The following CEP57L1 variants were observed in gnomAD, a reference collection of about 807,000 sequenced individuals.
The protein encoded by CEP57L1 is centrosomal protein CEP57L1.
A neutral mutation model predicts 61.0 loss-of-function variants in CEP57L1; 37 were observed. That is an observed-to-expected ratio of 0.61 (90% CI 0.47 to 0.80). CEP57L1 has a LOEUF of 0.80. CEP57L1 is among the 30% of genes least tolerant of loss of function. The probability of loss-of-function intolerance (pLI) is 0.00; values close to 1 mark genes in which losing one functional copy is unlikely to be tolerated. For missense variants in CEP57L1, 422 were observed against 524.7 expected (o/e 0.80, Z 1.91); for synonymous variants, 137 against 162.3 (o/e 0.84, Z 1.19).
At position 109,173,925 on chromosome 6, in the gene CEP57L1, C is replaced by A. The variant is rs949493208; in HGVS notation, c.*10955C>A. Reference sequence around the variant, plus strand: ...ACCAGCCTCCAACATGGTGAAACCCCGTCTCTACTAAAAAAAAAAAAAAAA... The same window carrying A: ...ACCAGCCTCCAACATGGTGAAACCCAGTCTCTACTAAAAAAAAAAAAAAAA... On this transcript the variant is annotated 3_prime_UTR_variant, in exon 11 of 11. Coordinates refer to ENST00000517392, the MANE Select transcript of CEP57L1 (RefSeq NM_001271852.3). 6.9e-6 allele frequency among the ~76,000 whole-genome samples: 1 copy of A among 145,920 alleles called. No homozygotes were observed. The highest frequency in any genetic ancestry group is 1.5e-5 in the Non-Finnish European group (1 of 66,840).
At chr6:109,122,770 G>A (rs1253748143) in intron 1 of CEP57L1, among the ~76,000 whole-genome samples, 1 of 151,970 alleles carries the variant, frequency 6.6e-6, no homozygotes, top group Admixed American at 6.6e-5. Flanking sequence ...TTGTGCCATT[G>A]CACTCCAGCC....
Position 109,163,317 on chromosome 6 carries a change from T to C in CEP57L1, c.*347T>C. On this transcript the variant is annotated 3_prime_UTR_variant, in exon 11 of 11. Coordinates refer to ENST00000517392, the MANE Select transcript of CEP57L1 (RefSeq NM_001271852.3). Reference sequence around the variant, plus strand: ...GCTACAAGTACCATTCATTCCACTTTTCATTTAGTAGGTTTGGAACCTTAA... The same window carrying C: ...GCTACAAGTACCATTCATTCCACTTCTCATTTAGTAGGTTTGGAACCTTAA... 5.8e-6 allele frequency: 1 copy of C among 171,582 alleles called. No individual in the cohort carries two copies. Among genetic ancestry groups the C allele is most frequent in the South Asian group, 1.4e-4 (1 of 7,026 alleles). 10.6% of individuals were successfully genotyped at this position (171,582 alleles called of 1,614,324 possible).
intron 1 of CEP57L1, among the ~76,000 whole-genome samples, chr6:109,106,671 G>A (rs753469362): frequency 1.1e-4 from 16 of 152,126 alleles, no homozygotes; most frequent in Admixed American, 3.9e-4. Flanking sequence ...GCTCATGCCT[G>A]TAATCCCAGC....
At chr6:109,096,652 A>G (rs577033156) in intron 1 of CEP57L1, among the ~76,000 whole-genome samples, 5 of 152,348 alleles carry the variant, frequency 3.3e-5, no homozygotes, top group South Asian at 4.1e-4. Flanking sequence ...ATTTTTGAAT[A>G]GATGCATAGT....
chr6:109,156,016 A>G (rs1028100187), intron 7 of CEP57L1, 139 bp downstream of exon 7: 21 of 511,702 alleles, frequency 4.1e-5, no homozygotes, highest in African/African-American at 1.6e-4. Context: ...GTGTCAAGTA[A>G]TGGATGATGG....
At chr6:109,143,533 C>T (rs1001417305) in intron 1 of CEP57L1, among the ~76,000 whole-genome samples, 1 of 152,048 alleles carries the variant, frequency 6.6e-6, no homozygotes. Context: ...TGTTTTTATC[C>T]TATCAGTGGA....
At chr6:109,136,746 T>TTTTA (rs1770773135) in intron 1 of CEP57L1, among the ~76,000 whole-genome samples, 1 of 145,204 alleles carries the variant, frequency 6.9e-6, no homozygotes, top group Non-Finnish European at 1.5e-5. Flanking sequence ...TTTTATTTTA[T>TTTTA]TTTATTTTAT....
At chr6:109,101,282 A>G (rs1210095497) in intron 1 of CEP57L1, among the ~76,000 whole-genome samples, 1 of 152,230 alleles carries the variant, frequency 6.6e-6, no homozygotes, top group African/African-American at 2.4e-5. Context: ...GGACCATGGA[A>G]TCATGCAGTA....
rs77146632 is a variant in CEP57L1, at chr6:109,120,912, G to A, written c.-3-24307G>A. On this transcript the variant is annotated intron_variant, in intron 1 of 10. Transcript: ENST00000517392. The stretch of plus-strand genomic sequence containing the variant: ...AGAAAATTCCTATACTTAGACACAC[G>A]CACACACACACACACACACACACAC... Among the ~76,000 whole-genome samples, 914 of 133,500 alleles carry A rather than the reference G, an allele frequency of 6.8e-3. 9 individuals carry two copies. Among genetic ancestry groups the A allele is most frequent in the African/African-American group, 0.024 (853 of 34,974 alleles). 87.6% of individuals were successfully genotyped at this position (133,500 alleles called of 152,430 possible).
intron 9 of CEP57L1, 64 bp downstream of exon 9, chr6:109,159,526 C>G (rs1172886305): frequency 8.9e-6 from 13 of 1,459,208 alleles, no homozygotes; most frequent in Middle Eastern, 1.8e-4. Context: ...CCAGGCTAGT[C>G]TTGAACTCCT....
In CEP57L1 at chr6:109,155,795, A is replaced by C. The variant is rs1445684624; in HGVS notation, c.662A>C (p.Gln221Pro). 6.6e-7 allele frequency: 1 copy of C among 1,520,652 alleles called. No homozygotes were observed. Among genetic ancestry groups the C allele is most frequent in the Non-Finnish European group, 9.1e-7 (1 of 1,103,368 alleles). The allele number at this position is 1,520,652 out of a possible 1,614,324, so 94.2% of individuals were successfully genotyped here. ...CCTTTTTTTTAAATATTACAGCTTC[A>C]AACTGGACTTGAAATCAGTAAAATT... is the stretch of plus-strand genomic sequence containing the variant. ...KLFQDKASEL[Q>P]TGLEISKIIM... The change falls in exon 7 of 11, where the codon CAA becomes CCA. Residue 221 changes from glutamine (Q) to proline (P), a missense_variant. Coordinates refer to ENST00000517392, the MANE Select transcript of CEP57L1 (RefSeq NM_001271852.3).
intron 10 of CEP57L1, among the ~76,000 whole-genome samples, chr6:109,162,507 T>G (rs1178248327): frequency 6.6e-6 from 1 of 152,090 alleles, no homozygotes; most frequent in Non-Finnish European, 1.5e-5. Flanking sequence ...TATGTGCTTT[T>G]TTTCACTAAT....
intron 1 of CEP57L1, among the ~76,000 whole-genome samples, chr6:109,106,785 A>C (rs761546535): frequency 1.3e-5 from 2 of 152,058 alleles, no homozygotes; most frequent in Non-Finnish European, 2.9e-5. Flanking sequence ...ATACAAAAAA[A>C]GAAAATTAGC....
intron 1 of CEP57L1, among the ~76,000 whole-genome samples, chr6:109,107,660 G>T (rs976462892): frequency 1.3e-5 from 2 of 152,138 alleles, no homozygotes; most frequent in African/African-American, 2.4e-5. Flanking sequence ...CATATTTGTG[G>T]CTGGGCATGG....
chr6:109,102,802 A>G lies in CEP57L1; in HGVS notation c.-4+7227A>G, dbSNP rs78100991. On this transcript the variant is annotated intron_variant, in intron 1 of 10. Coordinates refer to ENST00000517392, the MANE Select transcript of CEP57L1 (RefSeq NM_001271852.3). Reference sequence around the variant, plus strand: ...CATTATACTGAATCTGTACAACTATATTGGTGCCATTCTTCAAAACTGTTC... The same window carrying G: ...CATTATACTGAATCTGTACAACTATGTTGGTGCCATTCTTCAAAACTGTTC... 9.3e-3 allele frequency among the ~76,000 whole-genome samples: 1,424 copies of G among 152,308 alleles called. 23 individuals carry two copies. Among genetic ancestry groups the G allele is most frequent in the African/African-American group, 0.033 (1,370 of 41,564 alleles).
At chr6:109,116,148 T>C (rs1335063536) in intron 1 of CEP57L1, among the ~76,000 whole-genome samples, 1 of 150,518 alleles carries the variant, frequency 6.6e-6, no homozygotes, top group Non-Finnish European at 1.5e-5. Context: ...TGTTATGTTA[T>C]GTTATGTTAT....
intron 1 of CEP57L1, among the ~76,000 whole-genome samples, chr6:109,099,012 G>A (rs1782050077): frequency 6.6e-6 from 1 of 152,200 alleles, no homozygotes; most frequent in East Asian, 1.9e-4. Context: ...TGGAGGAAGT[G>A]CCATTTACTA....
chr6:109,144,483 A>G (rs917219673), intron 1 of CEP57L1, among the ~76,000 whole-genome samples: 2 of 152,288 alleles, frequency 1.3e-5, no homozygotes, highest in Admixed American at 6.5e-5. Context: ...AAAATAGAAT[A>G]CATTTCTAAA....
chr6:109,100,353 T>C (rs1323951372), intron 1 of CEP57L1: 1 of 152,054 alleles, frequency 6.6e-6, no homozygotes, highest in African/African-American at 2.4e-5. Context: ...GGGTACATTA[T>C]AATAAAAACA....
Sources: gnomAD v4.1 joint callset for allele counts (sites outside exome capture counted in the v4.1 genomes callset) on GRCh38, gnomAD v4.1.1 for gene constraint, MANE v1.5 for transcripts, NCBI Gene and HGNC (gene_info 2026-07-23, HGNC 2026-07-21) for gene names.